D2HGDH: variants seen among roughly 807,000 people sequenced by gnomAD.
The protein encoded by D2HGDH is D-2-hydroxyglutarate dehydrogenase, mitochondrial.
A neutral mutation model predicts 46.9 loss-of-function variants in D2HGDH; 31 were observed. The observed-to-expected ratio is 0.66, with a 90% CI of 0.50 to 0.89. The LOEUF is 0.89. D2HGDH is among the 40% of genes least tolerant of loss of function. The pLI is 0.00. For synonymous variants in D2HGDH, 364 were observed against 332.6 expected (o/e 1.09, Z -1.03); for missense variants, 698 against 720.8 (o/e 0.97, Z 0.36).
rs1472607554 is a variant in D2HGDH, at chr2:241,741,052, G to T, written c.312G>T (p.Leu104=). The T allele has an allele frequency of 6.2e-7, 1 of 1,613,962 alleles. No homozygotes were observed. Among genetic ancestry groups the T allele is most frequent in the Non-Finnish European group, 8.5e-7 (1 of 1,180,008 alleles). ...TCACAGGCTGTAGCAAGGTGCTGCTGAGGCCACGGACGTCGGAGGAGGTGT... is the reference window on the plus strand; with the variant it reads ...TCACAGGCTGTAGCAAGGTGCTGCTTAGGCCACGGACGTCGGAGGAGGTGT... The part of the protein sequence containing the change: ...RTLRGCSKVL[L]RPRTSEEVSH... Residue 104 remains leucine, a synonymous_variant, in exon 3 of 10, where the codon CTG becomes CTT. Coordinates refer to ENST00000321264, the MANE Select transcript of D2HGDH (RefSeq NM_152783.5).
intron 8 of D2HGDH, 59 bp from the exon 9 acceptor site, chr2:241,755,790 C>T (rs758070143): frequency 1.9e-6 from 3 of 1,611,558 alleles, no homozygotes; most frequent in Admixed American, 1.7e-5. Context: ...TGGTGTGCCC[C>T]CTGTCCCCGG....
chr2:241,748,735 AC>A, intron 6 of D2HGDH: 1 of 959,496 alleles, frequency 1.0e-6, no homozygotes, highest in Non-Finnish European at 1.3e-6. Context: ...TCACCACCTG[AC>A]CCCGGAACGG....
intron 2 of D2HGDH, among the ~76,000 whole-genome samples, 180 bp from the exon 3 acceptor site, chr2:241,740,853 G>T (rs1220941167): frequency 6.6e-6 from 1 of 152,184 alleles, no homozygotes; most frequent in Non-Finnish European, 1.5e-5. Context: ...GCTGAGGCAG[G>T]AGAATCGCTT....
chr2:241,743,765 C>A lies in D2HGDH; in HGVS notation c.634C>A (p.Arg212=), dbSNP rs765328102. ...CGTGGCAACCAACGCTGGAGGCCTG[C>A]GGTTTCTTCGATATGGCTCACTGCA... is the stretch of plus-strand genomic sequence containing the variant. The part of the protein sequence containing the change: ...GNVATNAGGL[R]FLRYGSLHGT... The change falls in exon 5 of 10, where the codon CGG becomes AGG. Residue 212 remains arginine (R), a synonymous_variant. Coordinates refer to ENST00000321264, the MANE Select transcript of D2HGDH (RefSeq NM_152783.5). The surrounding 1 kb of genome is among the most constrained non-coding windows in gnomAD (Gnocchi z 4.8). The A allele has an allele frequency of 6.2e-7, 1 of 1,610,486 alleles. No homozygotes were observed. Among genetic ancestry groups the A allele is most frequent in the Non-Finnish European group, 8.5e-7 (1 of 1,178,566 alleles).
At position 241,756,019 on chromosome 2, in the gene D2HGDH, G is replaced by A. The variant is rs774321618; in HGVS notation, c.1306+5G>A. The stretch of plus-strand genomic sequence containing the variant: ...TGGTGGGCTATGGCCACCTTGGTGA[G>A]CGGCGCCCCGGGGCCGCGGCCCTGT... On this transcript the variant is annotated splice_donor_5th_base_variant and intron_variant, in intron 9 of 9. Coordinates refer to ENST00000321264, the MANE Select transcript of D2HGDH (RefSeq NM_152783.5). 6.3e-7 allele frequency: 1 copy of A among 1,594,280 alleles called. No individual in the cohort carries two copies. Among genetic ancestry groups the A allele is most frequent in the Non-Finnish European group, 8.6e-7 (1 of 1,165,950 alleles).
At chr2:241,763,468 CG>C (rs1342886770) in intron 9 of D2HGDH, among the ~76,000 whole-genome samples, 1 of 151,974 alleles carries the variant, frequency 6.6e-6, no homozygotes, top group Admixed American at 6.5e-5. Context: ...GTGGGTCTCG[CG>C]GGACTGGAGG....
rs893532903 is a variant in D2HGDH at position 241,743,506 on chromosome 2, C to A, written c.491-116C>A. ...GGGTGCCTCTTCTCCTCAGCCCTGG[C>A]GCTGAGGCTGATGTTCCTTCTGGGT... On this transcript the variant is annotated intron_variant, in intron 4 of 9. Coordinates refer to ENST00000321264, the MANE Select transcript of D2HGDH (RefSeq NM_152783.5). The surrounding 1 kb of genome is among the most constrained non-coding windows in gnomAD (Gnocchi z 4.8). The A allele has an allele frequency of 1.7e-6, 2 of 1,200,188 alleles. No homozygotes were observed. The highest frequency in any genetic ancestry group is 2.4e-6 in the Non-Finnish European group (2 of 841,434). The allele number at this position is 1,200,188 out of a possible 1,614,324, so 74.3% of individuals were successfully genotyped here. A position where few individuals can be genotyped will look rare whatever the true frequency, so the allele number is the denominator to read the frequency against.
At chr2:241,747,993 T>A (rs1309933700) in intron 6 of D2HGDH, among the ~76,000 whole-genome samples, 1 of 152,206 alleles carries the variant, frequency 6.6e-6, no homozygotes, top group Non-Finnish European at 1.5e-5. Context: ...GATTCCTCAC[T>A]CTGGGTAGGC....
intron 9 of D2HGDH, among the ~76,000 whole-genome samples, chr2:241,759,107 C>T (rs889463226): frequency 6.6e-6 from 1 of 152,062 alleles, no homozygotes; most frequent in Non-Finnish European, 1.5e-5. Flanking sequence ...ATTTTTGAAA[C>T]TTGATCAGTG....
intron 6 of D2HGDH, 104 bp downstream of exon 6, chr2:241,744,981 C>G: frequency 2.7e-6 from 4 of 1,475,292 alleles, no homozygotes; most frequent in Admixed American, 1.8e-5. Flanking sequence ...GACCCCCCGC[C>G]AAGGACAGTC....
At chr2:241,751,038 G>A (rs1483794249) in intron 7 of D2HGDH, among the ~76,000 whole-genome samples, 1 of 152,232 alleles carries the variant, frequency 6.6e-6, no homozygotes, top group Non-Finnish European at 1.5e-5. Context: ...GATTACAGGT[G>A]TGAGCCACTG....
At chr2:241,745,493 T>C (rs966695550) in intron 6 of D2HGDH, among the ~76,000 whole-genome samples, 7 of 152,210 alleles carry the variant, frequency 4.6e-5, no homozygotes, top group African/African-American at 1.7e-4. Context: ...GTGGCGGGTC[T>C]AGCTCACCAA....
chr2:241,740,939 C>T, intron 2 of D2HGDH, 94 bp from the exon 3 acceptor site: 1 of 1,019,574 alleles, frequency 9.8e-7, no homozygotes, highest in South Asian at 1.3e-5. Context: ...GAGTCCGTCT[C>T]CAAAAAAAAA....
At chr2:241,758,855 C>G (rs532943621) in intron 9 of D2HGDH, among the ~76,000 whole-genome samples, 1 of 150,582 alleles carries the variant, frequency 6.6e-6, no homozygotes, top group South Asian at 2.1e-4. Context: ...CCGGACCGGT[C>G]TTGAACTCCG....
rs568866970 is a variant in D2HGDH, at chr2:241,765,021, CAG to C, written c.1307-2684_1307-2683del. 6.6e-4 allele frequency among the ~76,000 whole-genome samples: 100 copies of C among 152,304 alleles called. 1 individual carries two copies. The highest frequency in any genetic ancestry group is 2.2e-3 in the African/African-American group (92 of 41,566). ...GGGGCTCAGTGTGGGCTAAGTGGACCAGAGAGGAGGCAGCTGGGAGCCAGGAC... is the reference window on the plus strand; with the variant it reads ...GGGGCTCAGTGTGGGCTAAGTGGACCAGAGGAGGCAGCTGGGAGCCAGGAC... On this transcript the variant is annotated intron_variant, in intron 9 of 9. Transcript: ENST00000321264.
In D2HGDH at chr2:241,755,308, T is replaced by A. The variant is rs752152015; in HGVS notation, c.1141-541T>A. The A allele has an allele frequency of 8.5e-6, 11 of 1,289,104 alleles. No individual in the cohort carries two copies. In the South Asian group the frequency reaches 1.4e-4, roughly 16 times the overall value. The allele number at this position is 1,289,104 out of a possible 1,614,324, so 79.9% of individuals were successfully genotyped here. A position where few individuals can be genotyped will look rare whatever the true frequency, so the allele number is the denominator to read the frequency against. On this transcript the variant is annotated intron_variant, in intron 8 of 9. Coordinates refer to ENST00000321264, the MANE Select transcript of D2HGDH (RefSeq NM_152783.5). The stretch of plus-strand genomic sequence containing the variant: ...CCATGTCCCTGCCTCCCACCCGACA[T>A]GCCCCTTGAGCTGCCTGGGCCCTGC...
intron 9 of D2HGDH, among the ~76,000 whole-genome samples, chr2:241,757,080 A>G (rs1055721654): frequency 4.6e-5 from 7 of 152,240 alleles, no homozygotes; most frequent in Non-Finnish European, 1.0e-4. Context: ...AATAACACGT[A>G]TTACTTACGA....
In D2HGDH at chr2:241,764,922, C is replaced by T. The variant is rs142582962; in HGVS notation, c.1307-2788C>T. ...CTTCTCTGAGCCGTCGCCTTCTTGACCTCTGAGGTCAGAAGAGGAGGTTGT... is the reference window on the plus strand; with the variant it reads ...CTTCTCTGAGCCGTCGCCTTCTTGATCTCTGAGGTCAGAAGAGGAGGTTGT... On this transcript the variant is annotated intron_variant, in intron 9 of 9. Transcript: ENST00000321264. 9.5e-3 allele frequency among the ~76,000 whole-genome samples: 1,441 copies of T among 152,314 alleles called. 19 individuals are homozygous for T. The highest frequency in any genetic ancestry group is 0.033 in the African/African-American group (1,371 of 41,562).
intron 2 of D2HGDH, among the ~76,000 whole-genome samples, chr2:241,738,239 T>C (rs1693479038): frequency 6.6e-6 from 1 of 152,160 alleles, no homozygotes; most frequent in Middle Eastern, 3.2e-3. Flanking sequence ...CCAGGGCCTG[T>C]GGGCTCACGA....
Sources: allele counts gnomAD v4.1 joint callset (sites outside exome capture counted in the v4.1 genomes callset), GRCh38; gene constraint gnomAD v4.1.1; non-coding constraint Gnocchi (gnomAD v3.1); transcripts MANE v1.5; gene names NCBI Gene and HGNC (gene_info 2026-07-23, HGNC 2026-07-21).